CCSER1: variants seen among roughly 807,000 people sequenced by gnomAD.
CCSER1 encodes coiled-coil serine rich protein 1.
A neutral mutation model predicts 82.0 loss-of-function variants in CCSER1; 41 were observed. That is an observed-to-expected ratio of 0.50 (90% CI 0.39 to 0.65). The LOEUF is 0.65. Ranked by LOEUF, CCSER1 falls within the 30% of genes least tolerant of loss-of-function variation. The pLI is 0.00. For missense variants in CCSER1, 1,119 were observed against 1,064.2 expected, an observed-to-expected ratio of 1.05 and a Z score of -0.72; for synonymous variants, 414 against 383.9, an observed-to-expected ratio of 1.08 and a Z score of -0.92.
At chr4:91,059,216 C>T (rs922921035) in intron 9 of CCSER1, among the ~76,000 whole-genome samples, 1 of 145,096 alleles carries the variant, frequency 6.9e-6, no homozygotes, top group African/African-American at 2.6e-5. Flanking sequence ...TAGCAGATTC[C>T]AAAATCTCCT....
chr4:90,980,870 G>A (rs1317825005), intron 9 of CCSER1, among the ~76,000 whole-genome samples: 2 of 151,800 alleles, frequency 1.3e-5, no homozygotes, highest in Non-Finnish European at 2.9e-5. Context: ...AACTACCACA[G>A]TTACTCTTTC....
chr4:91,547,590 CA>C (rs1264080247), intron 10 of CCSER1, among the ~76,000 whole-genome samples: 1 of 152,120 alleles, frequency 6.6e-6, no homozygotes, highest in Non-Finnish European at 1.5e-5. Context: ...TGGGTTCTTA[CA>C]GACAACATGT....
intron 10 of CCSER1, chr4:91,130,140 T>C (rs979155204): frequency 6.6e-6 from 1 of 151,968 alleles, no homozygotes; most frequent in African/African-American, 2.4e-5. Flanking sequence ...CTGTGTCCAT[T>C]ATATTTAAAT....
At chr4:90,862,563 C>T (rs1765231705) in intron 8 of CCSER1, among the ~76,000 whole-genome samples, 1 of 151,896 alleles carries the variant, frequency 6.6e-6, no homozygotes, top group East Asian at 1.9e-4. Flanking sequence ...TTAGCTAGTT[C>T]AAGGCATGAA....
intron 1 of CCSER1, among the ~76,000 whole-genome samples, chr4:90,237,133 T>C (rs1745949445): frequency 6.6e-6 from 1 of 152,190 alleles, no homozygotes. Flanking sequence ...TATAATTGTC[T>C]TACATTTCTG....
intron 7 of CCSER1, among the ~76,000 whole-genome samples, chr4:90,792,844 G>A (rs1419035615): frequency 6.6e-6 from 1 of 152,190 alleles, no homozygotes; most frequent in Non-Finnish European, 1.5e-5. Flanking sequence ...CTGGGGAATA[G>A]GGGCTGTCCC....
At chr4:90,226,269 T>A (rs1259677305) in intron 1 of CCSER1, among the ~76,000 whole-genome samples, 3 of 152,208 alleles carry the variant, frequency 2.0e-5, no homozygotes, top group African/African-American at 7.2e-5. Context: ...TACACAGTCA[T>A]GTTAAGCCAT....
intron 10 of CCSER1, among the ~76,000 whole-genome samples, chr4:91,341,780 G>A (rs186179424): frequency 2.1e-4 from 32 of 152,278 alleles, no homozygotes; most frequent in Admixed American, 1.6e-3. Context: ...CAAGTGATCC[G>A]CCTGCCTCGG....
intron 1 of CCSER1, among the ~76,000 whole-genome samples, chr4:90,298,446 T>C (rs985510012): frequency 3.3e-5 from 5 of 151,190 alleles, no homozygotes; most frequent in Non-Finnish European, 5.9e-5. Context: ...AAAAACCAGC[T>C]CCTGGATTCA....
intron 1 of CCSER1, among the ~76,000 whole-genome samples, chr4:90,140,570 C>T (rs180770057): frequency 3.5e-4 from 53 of 151,094 alleles, no homozygotes; most frequent in African/African-American, 7.5e-4. Context: ...TATGTGTGTA[C>T]GTACACATGT....
chr4:90,242,651 A>G (rs1720578605), intron 1 of CCSER1, among the ~76,000 whole-genome samples: 1 of 152,234 alleles, frequency 6.6e-6, no homozygotes, highest in Non-Finnish European at 1.5e-5. Context: ...TAAGCTTACA[A>G]AAATGATTTT....
intron 10 of CCSER1, among the ~76,000 whole-genome samples, chr4:91,135,021 C>T (rs1166538512): frequency 6.6e-6 from 1 of 151,776 alleles, no homozygotes; most frequent in Admixed American, 6.6e-5. Flanking sequence ...GATTGCACCA[C>T]TCCACTCCAG....
chr4:90,452,178 G>A (rs1337761740), intron 4 of CCSER1, among the ~76,000 whole-genome samples: 1 of 152,114 alleles, frequency 6.6e-6, no homozygotes, highest in Non-Finnish European at 1.5e-5. Flanking sequence ...TGTCTGTAAT[G>A]AGAGTCCAGT....
chr4:90,207,110 C>T (rs1054757344), intron 1 of CCSER1, among the ~76,000 whole-genome samples: 17 of 152,000 alleles, frequency 1.1e-4, no homozygotes, highest in Admixed American at 2.0e-4. Flanking sequence ...TCCTGAATAC[C>T]GCACACCCAT....
intron 10 of CCSER1, among the ~76,000 whole-genome samples, chr4:91,294,537 A>T (rs1046814636): frequency 6.6e-6 from 1 of 151,848 alleles, no homozygotes; most frequent in African/African-American, 2.4e-5. Flanking sequence ...GAGGCCTGAA[A>T]TGCAAAATCA....
At chr4:90,802,132 C>T (rs1351273071) in intron 7 of CCSER1, among the ~76,000 whole-genome samples, 2 of 151,480 alleles carry the variant, frequency 1.3e-5, no homozygotes, top group East Asian at 1.9e-4. Context: ...GCACGAGAAT[C>T]GCTTGAACCC....
chr4:91,303,884 G>T (rs866542826), intron 10 of CCSER1, among the ~76,000 whole-genome samples: 1 of 151,938 alleles, frequency 6.6e-6, no homozygotes, highest in Non-Finnish European at 1.5e-5. Flanking sequence ...AATATAAACA[G>T]TTAATAAGGG....
At chr4:90,861,882 A>G (rs1166092765) in intron 8 of CCSER1, among the ~76,000 whole-genome samples, 1 of 148,632 alleles carries the variant, frequency 6.7e-6, no homozygotes, top group Non-Finnish European at 1.5e-5. Flanking sequence ...GATGAAAACC[A>G]TGGATCTCCT....
At chr4:91,099,523 C>A (rs939067363) in intron 10 of CCSER1, among the ~76,000 whole-genome samples, 1 of 152,108 alleles carries the variant, frequency 6.6e-6, no homozygotes, top group Admixed American at 6.5e-5. Context: ...TGACATAGCC[C>A]TCAGGAGGCC....
Sources: gnomAD v4.1 joint callset for allele counts (sites outside exome capture counted in the v4.1 genomes callset) on GRCh38, gnomAD v4.1.1 for gene constraint, MANE v1.5 for transcripts, NCBI Gene and HGNC (gene_info 2026-07-23, HGNC 2026-07-21) for gene names.